Variants in FHIT observed in about 807,000 individuals in gnomAD.
The protein encoded by FHIT is fragile histidine triad diadenosine triphosphatase.
In FHIT, 19 loss-of-function variants were observed where a neutral mutation model predicts 17.9. The ratio of observed to expected loss-of-function variants is 1.06; its 90% confidence interval spans 0.74 to 1.56. FHIT has a LOEUF of 1.56. FHIT is among the 40% of genes most tolerant of loss of function. FHIT has a pLI of 0.00. For synonymous variants in FHIT, 81 were observed against 69.7 expected, an observed-to-expected ratio of 1.16 and a Z score of -0.81; for missense variants, 248 against 189.2, an observed-to-expected ratio of 1.31 and a Z score of -1.82.
intron 5 of FHIT, among the ~76,000 whole-genome samples, chr3:60,479,830 T>C (rs2033524687): frequency 6.6e-6 from 1 of 152,184 alleles, no homozygotes; most frequent in Non-Finnish European, 1.5e-5. Context: ...GGTAAAACAG[T>C]TTCATTCCAA....
At chr3:60,710,801 C>T (rs1045748192) in intron 4 of FHIT, among the ~76,000 whole-genome samples, 2 of 152,212 alleles carry the variant, frequency 1.3e-5, no homozygotes, top group South Asian at 4.1e-4. Context: ...CATCACAGAT[C>T]AAGGAGGCCT....
At position 59,770,497 on chromosome 3, in the gene FHIT, C is replaced by T. The variant is rs376409438; in HGVS notation, c.349-18176G>A. Among the ~76,000 whole-genome samples the T allele has an allele frequency of 1.2e-4, 19 of 152,284 alleles. 1 individual carries two copies. In the East Asian group the frequency reaches 2.9e-3, roughly 23 times the overall value. ...AGGCAAAGATTGGGGTGACGGATCT[C>T]TAAGCCATGGAATGCCAAAGATCAT... On this transcript the variant is annotated intron_variant, in intron 8 of 9. Transcript: ENST00000492590.
chr3:60,616,424 CT>C (rs1553675946), intron 4 of FHIT, among the ~76,000 whole-genome samples: 1 of 152,026 alleles, frequency 6.6e-6, no homozygotes, highest in African/African-American at 2.4e-5. Flanking sequence ...CTCTTTGATT[CT>C]TTTTTAAAAT....
intron 4 of FHIT, among the ~76,000 whole-genome samples, chr3:60,789,603 A>T (rs1700709352): frequency 6.6e-6 from 1 of 152,170 alleles, no homozygotes. Flanking sequence ...TCAGGTCTGT[A>T]TGGTGGGCAG....
At chr3:60,713,419 A>G (rs1362498418) in intron 4 of FHIT, among the ~76,000 whole-genome samples, 4 of 150,814 alleles carry the variant, frequency 2.7e-5, no homozygotes, top group African/African-American at 9.7e-5. Flanking sequence ...GCAAGAAATA[A>G]CTAAAATCAG....
intron 7 of FHIT, among the ~76,000 whole-genome samples, chr3:59,932,790 T>G (rs764033654): frequency 6.6e-6 from 1 of 152,206 alleles, no homozygotes; most frequent in Non-Finnish European, 1.5e-5. Context: ...TCTTCCATTT[T>G]CCTTTACTAA....
chr3:61,028,714 C>T (rs558726060), intron 3 of FHIT, among the ~76,000 whole-genome samples: 3 of 152,272 alleles, frequency 2.0e-5, no homozygotes, highest in Admixed American at 1.3e-4. Context: ...ATCTGTGAAA[C>T]ACTTACCCCA....
intron 5 of FHIT, among the ~76,000 whole-genome samples, chr3:60,529,423 A>G (rs2035690155): frequency 6.6e-6 from 1 of 152,228 alleles, no homozygotes; most frequent in African/African-American, 2.4e-5. Context: ...ATATAAAAGA[A>G]TAAGTAACTA....
At chr3:60,039,724 G>A (rs1303614315) in intron 5 of FHIT, among the ~76,000 whole-genome samples, 1 of 152,184 alleles carries the variant, frequency 6.6e-6, no homozygotes, top group African/African-American at 2.4e-5. Flanking sequence ...CTTTCACACT[G>A]GGAAGATGAT....
chr3:59,805,396 T>C (rs997282897), intron 8 of FHIT, among the ~76,000 whole-genome samples: 10 of 152,174 alleles, frequency 6.6e-5, no homozygotes, highest in Non-Finnish European at 1.3e-4. Flanking sequence ...TGTGAGAAGG[T>C]AACAGAAGTA....
intron 5 of FHIT, among the ~76,000 whole-genome samples, chr3:60,204,747 T>C (rs777950162): frequency 5.3e-5 from 8 of 152,220 alleles, no homozygotes; most frequent in Non-Finnish European, 8.8e-5. Context: ...ATACCTGCTC[T>C]GGATTTAGAT....
At chr3:60,235,231 G>GTTTTTTT (rs375274237) in intron 5 of FHIT, among the ~76,000 whole-genome samples, 2 of 147,300 alleles carry the variant, frequency 1.4e-5, no homozygotes, top group African/African-American at 5.0e-5. Flanking sequence ...GCTTTTGTTT[G>GTTTTTTT]TTGTTTTTTT....
In FHIT at chr3:59,749,054, A is replaced by G. The variant is rs1404491177; in HGVS notation, c.*531T>C. Among the ~76,000 whole-genome samples the G allele has an allele frequency of 6.6e-6, 1 of 152,176 alleles. No individual in the cohort carries two copies. The highest frequency in any genetic ancestry group is 2.4e-5 in the African/African-American group (1 of 41,470). ...ACGAAAGCTGGAGAAGGCCAAGTCT[A>G]TCTGACCTTCAGATTAACAATTTTT... On this transcript the variant is annotated 3_prime_UTR_variant, in exon 10 of 10. Transcript: ENST00000492590.
intron 4 of FHIT, among the ~76,000 whole-genome samples, chr3:60,573,473 A>G (rs111939956): frequency 2.0e-5 from 3 of 152,170 alleles, no homozygotes; most frequent in Non-Finnish European, 2.9e-5. Flanking sequence ...AAGTGCTGTG[A>G]AAATCTTTCT....
chr3:59,985,966 G>A (rs560579984), intron 7 of FHIT, among the ~76,000 whole-genome samples: 1 of 152,126 alleles, frequency 6.6e-6, no homozygotes, highest in African/African-American at 2.4e-5. Context: ...AGAAAAAAAA[G>A]AGGAAGAGGA....
rs577187521 is a variant in FHIT at position 59,923,478 on chromosome 3, A to G, written c.280-1064T>C. Among the ~76,000 whole-genome samples, 20 of 152,272 alleles carry G rather than the reference A, an allele frequency of 1.3e-4. No homozygotes were observed. The South Asian group carries it at 3.9e-3, about 30-fold the overall frequency. ...CCCAGGTAATATACATAGCAATGCT[A>G]TTATGCAATGATGGTGAATCAGGGC... On this transcript the variant is annotated intron_variant, in intron 7 of 9. Transcript: ENST00000492590.
At chr3:59,806,823 A>G (rs1700224639) in intron 8 of FHIT, among the ~76,000 whole-genome samples, 1 of 152,098 alleles carries the variant, frequency 6.6e-6, no homozygotes, top group Non-Finnish European at 1.5e-5. Flanking sequence ...CACTGGAGAA[A>G]CAATGAGAAC....
At chr3:60,941,199 C>A (rs1280246076) in intron 3 of FHIT, among the ~76,000 whole-genome samples, 1 of 152,184 alleles carries the variant, frequency 6.6e-6, no homozygotes, top group Non-Finnish European at 1.5e-5. Context: ...ACTCAACAGT[C>A]ACATGTAGCT....
chr3:60,024,656 T>C (rs1700671378), intron 5 of FHIT, among the ~76,000 whole-genome samples: 1 of 152,100 alleles, frequency 6.6e-6, no homozygotes, highest in Non-Finnish European at 1.5e-5. Flanking sequence ...TAGTAACTAC[T>C]GTGAAAATAT....
Sources: allele counts gnomAD v4.1 joint callset (sites outside exome capture counted in the v4.1 genomes callset), GRCh38; gene constraint gnomAD v4.1.1; transcripts MANE v1.5; gene names NCBI Gene and HGNC (gene_info 2026-07-23, HGNC 2026-07-21).